BIN3: variants seen among roughly 807,000 people sequenced by gnomAD.
BIN3 encodes bridging integrator 3.
A neutral mutation model predicts 38.2 loss-of-function variants in BIN3; 41 were observed. That is an observed-to-expected ratio of 1.07 (90% CI 0.84 to 1.39). BIN3 has a LOEUF of 1.39. Among genes scored for constraint, BIN3 ranks in the 40% most tolerant of loss-of-function variants. The pLI is 0.00. For missense variants in BIN3, 361 were observed against 324.3 expected, an observed-to-expected ratio of 1.11 and a Z score of -0.87; for synonymous variants, 145 against 122.6, an observed-to-expected ratio of 1.18 and a Z score of -1.21.
chr8:22,655,017 T>G (rs969251796), intron 1 of BIN3, among the ~76,000 whole-genome samples: 6 of 152,226 alleles, frequency 3.9e-5, no homozygotes, highest in Non-Finnish European at 7.3e-5. Flanking sequence ...TCCTAGTGGG[T>G]ATGAGGTAGT....
chr8:22,630,711 C>T (rs574780680), intron 4 of BIN3, 133 bp from the exon 5 acceptor site: 29 of 974,632 alleles, frequency 3.0e-5, no homozygotes, highest in African/African-American at 1.3e-4. Flanking sequence ...CCGTCAAGAA[C>T]GGCGAAGTAC....
intron 1 of BIN3, among the ~76,000 whole-genome samples, chr8:22,649,711 A>AAAAC (rs1050678002): frequency 2.0e-5 from 3 of 152,098 alleles, no homozygotes; most frequent in Non-Finnish European, 4.4e-5. Context: ...AACAAAAACA[A>AAAAC]AAACAAACAA....
intron 4 of BIN3, chr8:22,634,636 C>T (rs1390468606): frequency 2.1e-5 from 9 of 427,988 alleles, no homozygotes; most frequent in African/African-American, 4.0e-5. Context: ...AAGTCCCACC[C>T]GTAGGTGCCC....
intron 3 of BIN3, 111 bp downstream of exon 3, chr8:22,636,811 T>A (rs1450109549): frequency 7.8e-7 from 1 of 1,279,036 alleles, no homozygotes. Flanking sequence ...TGAGCTGCCC[T>A]CAGCTTCCAG....
In BIN3 at chr8:22,623,966, G is replaced by A. The variant is rs771277355; in HGVS notation, c.564C>T (p.Gly188=). The change falls in exon 8 of 9, where the codon GGC becomes GGT. Residue 188 remains glycine, a synonymous_variant. Transcript: ENST00000276416. The stretch of plus-strand genomic sequence containing the variant: ...TGGGCTGGAAGTAGTCGAGGCGGCT[G>A]CCGTAGAAGCGCGGCATCTCCTCCA... ...QLLEEMPRFY[G]SRLDYFQPSF... 6 of 1,612,072 alleles carry A rather than the reference G, an allele frequency of 3.7e-6. No homozygotes were observed. The highest frequency in any genetic ancestry group is 5.1e-6 in the Non-Finnish European group (6 of 1,179,550).
At chr8:22,664,158 T>C (rs1040714167) in intron 1 of BIN3, among the ~76,000 whole-genome samples, 1 of 152,242 alleles carries the variant, frequency 6.6e-6, no homozygotes, top group Admixed American at 6.5e-5. Context: ...CTAATAGGTT[T>C]AACAGCTGAC....
chr8:22,635,771 G>A lies in BIN3; in HGVS notation c.160+754C>T, dbSNP rs144609921. Among the ~76,000 whole-genome samples the A allele has an allele frequency of 4.1e-3, 619 of 152,320 alleles. 4 individuals are homozygous for A. The highest frequency in any genetic ancestry group is 0.014 in the African/African-American group (583 of 41,572). Reference sequence around the variant, plus strand: ...ATCAACCTTTGGTCAAGTGCTTGCTGCTCCGGGGTGGGAAAGTCAAGGCCT... The same window carrying A: ...ATCAACCTTTGGTCAAGTGCTTGCTACTCCGGGGTGGGAAAGTCAAGGCCT... On this transcript the variant is annotated intron_variant, in intron 4 of 8. Coordinates refer to ENST00000276416, the MANE Select transcript of BIN3 (RefSeq NM_018688.6).
At chr8:22,631,312 G>C (rs1802194002) in intron 4 of BIN3, among the ~76,000 whole-genome samples, 1 of 152,130 alleles carries the variant, frequency 6.6e-6, no homozygotes, top group Non-Finnish European at 1.5e-5. Context: ...TGGGACAGCA[G>C]GGCCCTCCTC....
chr8:22,633,597 G>C (rs996434210), intron 4 of BIN3, among the ~76,000 whole-genome samples: 1 of 152,258 alleles, frequency 6.6e-6, no homozygotes, highest in African/African-American at 2.4e-5. Flanking sequence ...AATAACTGGG[G>C]ATTTTCCACC....
chr8:22,648,869 T>C (rs990256830), intron 1 of BIN3, among the ~76,000 whole-genome samples: 1 of 152,094 alleles, frequency 6.6e-6, no homozygotes, highest in Non-Finnish European at 1.5e-5. Context: ...TTGGCTTCTG[T>C]GTCCCTTTGA....
intron 2 of BIN3, among the ~76,000 whole-genome samples, chr8:22,643,218 C>A (rs1455936584): frequency 6.6e-6 from 1 of 152,206 alleles, no homozygotes; most frequent in East Asian, 1.9e-4. Flanking sequence ...TATGCACACC[C>A]AGATTCTTTG....
At chr8:22,664,105 T>G (rs140271211) in intron 1 of BIN3, among the ~76,000 whole-genome samples, 4 of 152,352 alleles carry the variant, frequency 2.6e-5, no homozygotes, top group African/African-American at 9.6e-5. Flanking sequence ...TGGGCCCTAT[T>G]TGATGGATTA....
chr8:22,640,353 A>AT (rs1802508570), intron 2 of BIN3, among the ~76,000 whole-genome samples: 1 of 137,788 alleles, frequency 7.3e-6, no homozygotes, highest in South Asian at 2.4e-4. Context: ...CTAATTTTTG[A>AT]ATTTTTTTTT....
chr8:22,636,618 C>T (rs1186072355), intron 3 of BIN3, 32 bp from the exon 4 acceptor site: 2 of 1,548,804 alleles, frequency 1.3e-6, no homozygotes, highest in East Asian at 2.4e-5. Flanking sequence ...GCTTGGGGTC[C>T]CCTTCCTTCC....
chr8:22,644,916 T>A (rs532251758), intron 1 of BIN3, 113 bp from the exon 2 acceptor site: 14 of 909,626 alleles, frequency 1.5e-5, no homozygotes, highest in Non-Finnish European at 2.3e-5. Flanking sequence ...AGCGTGGCCA[T>A]GGCTTGCTAC....
chr8:22,626,448 G>C (rs1194877393), intron 6 of BIN3: 1 of 152,190 alleles, frequency 6.6e-6, no homozygotes, highest in African/African-American at 2.4e-5. Flanking sequence ...GGTGCAGCTG[G>C]GCCTGAGAGG....
chr8:22,638,046 T>C (rs769079851), intron 2 of BIN3, among the ~76,000 whole-genome samples: 11 of 150,232 alleles, frequency 7.3e-5, no homozygotes, highest in Non-Finnish European at 1.6e-4. Flanking sequence ...ATCATTCTCC[T>C]GGAAGGCATT....
At chr8:22,651,975 C>A (rs369875056) in intron 1 of BIN3, among the ~76,000 whole-genome samples, 1 of 148,002 alleles carries the variant, frequency 6.8e-6, no homozygotes, top group African/African-American at 2.5e-5. Context: ...CATCTTCTAA[C>A]GCTTCTACCA....
intron 2 of BIN3, chr8:22,644,464 G>T: frequency 2.5e-6 from 1 of 395,462 alleles, no homozygotes; most frequent in South Asian, 2.3e-5. Flanking sequence ...CCAGTCCCTA[G>T]AGGTGGACCG....
Sources: gnomAD v4.1 joint callset for allele counts (sites outside exome capture counted in the v4.1 genomes callset) on GRCh38, gnomAD v4.1.1 for gene constraint, MANE v1.5 for transcripts, NCBI Gene and HGNC (gene_info 2026-07-23, HGNC 2026-07-21) for gene names.